ETV6: variants seen among roughly 807,000 people sequenced by gnomAD.
ETV6 encodes transcription factor ETV6.
Under a neutral mutation model 51.1 loss-of-function variants are expected in ETV6, and 16 were observed. The ratio of observed to expected loss-of-function variants is 0.31; its 90% CI spans 0.21 to 0.48. ETV6 has a LOEUF of 0.48. ETV6 is among the 20% of genes least tolerant of loss of function. ETV6 has a pLI of 0.99. For synonymous variants in ETV6, 240 were observed against 224.1 expected, an observed-to-expected ratio of 1.07 and a Z score of -0.64; for missense variants, 458 against 594.8, an observed-to-expected ratio of 0.77 and a Z score of 2.39.
intron 4 of ETV6, among the ~76,000 whole-genome samples, chr12:11,865,722 C>T (rs1029046553): frequency 1.3e-5 from 2 of 148,544 alleles, no homozygotes; most frequent in African/African-American, 4.9e-5. Context: ...TACTATATAT[C>T]ATACTATGCA....
intron 2 of ETV6, among the ~76,000 whole-genome samples, chr12:11,830,198 C>G (rs561928606): frequency 2.0e-5 from 3 of 152,190 alleles, no homozygotes; most frequent in East Asian, 1.9e-4. Flanking sequence ...CTGTGGGCAC[C>G]GAGCAGTATT....
intron 1 of ETV6, among the ~76,000 whole-genome samples, chr12:11,672,558 G>A (rs1038081017): frequency 6.6e-6 from 1 of 152,198 alleles, no homozygotes; most frequent in South Asian, 2.1e-4. Flanking sequence ...GTTGTCCTCC[G>A]TTAATGGGGT....
intron 3 of ETV6, among the ~76,000 whole-genome samples, chr12:11,851,694 T>G (rs867424628): frequency 1.3e-5 from 2 of 152,340 alleles, no homozygotes; most frequent in Middle Eastern, 3.4e-3. Flanking sequence ...GGTATTTTGC[T>G]TTATTTAGTC....
intron 5 of ETV6, among the ~76,000 whole-genome samples, chr12:11,882,307 G>T (rs989994766): frequency 2.0e-5 from 3 of 152,180 alleles, no homozygotes; most frequent in African/African-American, 7.2e-5. Flanking sequence ...CACTGAGCAG[G>T]TGTACTTTGT....
At chr12:11,708,040 G>C (rs998149342) in intron 1 of ETV6, among the ~76,000 whole-genome samples, 2 of 152,174 alleles carry the variant, frequency 1.3e-5, no homozygotes, top group African/African-American at 4.8e-5. Context: ...AAGTTATTCT[G>C]TTATAATTTT....
At chr12:11,727,173 T>G (rs1354320939) in intron 1 of ETV6, among the ~76,000 whole-genome samples, 1 of 152,238 alleles carries the variant, frequency 6.6e-6, no homozygotes, top group East Asian at 1.9e-4. Context: ...GGAGGTCGCC[T>G]GCCCTTGCAT....
At position 11,783,315 on chromosome 12, in the gene ETV6, A is replaced by G. The variant is rs1025874335; in HGVS notation, c.163+30736A>G. Among the ~76,000 whole-genome samples the G allele has an allele frequency of 2.6e-5, 4 of 152,196 alleles. No individual in the cohort carries two copies. In the South Asian group the frequency reaches 8.3e-4, roughly 32 times the overall value. ...GATCCTGCCCAATCAGATGCTGCAT[A>G]GAATTCAGGTAAGATGAGGACTGAA... is the stretch of plus-strand genomic sequence containing the variant. On this transcript the variant is annotated intron_variant, in intron 2 of 7. Transcript: ENST00000396373.
At chr12:11,773,377 G>A (rs1303090515) in intron 2 of ETV6, among the ~76,000 whole-genome samples, 5 of 151,986 alleles carry the variant, frequency 3.3e-5, no homozygotes, top group Non-Finnish European at 4.4e-5. Flanking sequence ...CAGTGAGACT[G>A]AATGGAAAAT....
At chr12:11,770,146 TC>T (rs1386784289) in intron 2 of ETV6, among the ~76,000 whole-genome samples, 1 of 152,068 alleles carries the variant, frequency 6.6e-6, no homozygotes, top group Non-Finnish European at 1.5e-5. Context: ...GTGCTGGTAA[TC>T]AGGAAAATGC....
intron 1 of ETV6, 35 bp from the exon 2 acceptor site, chr12:11,752,415 T>C (rs552473838): frequency 1.9e-6 from 3 of 1,588,620 alleles, no homozygotes; most frequent in Non-Finnish European, 8.6e-7. Flanking sequence ...ATTGTCTCTC[T>C]CCCCCTCCCC....
At chr12:11,781,588 C>T (rs758344297) in intron 2 of ETV6, among the ~76,000 whole-genome samples, 1 of 152,146 alleles carries the variant, frequency 6.6e-6, no homozygotes, top group Non-Finnish European at 1.5e-5. Flanking sequence ...AATGGATAGG[C>T]AGTTATTTTA....
At chr12:11,798,863 T>G (rs1020806527) in intron 2 of ETV6, among the ~76,000 whole-genome samples, 4 of 152,200 alleles carry the variant, frequency 2.6e-5, no homozygotes, top group African/African-American at 9.7e-5. Context: ...AGATAGGAGT[T>G]AATTCAGTCA....
intron 5 of ETV6, among the ~76,000 whole-genome samples, chr12:11,871,962 A>C (rs1425758437): frequency 6.6e-6 from 1 of 152,262 alleles, no homozygotes; most frequent in African/African-American, 2.4e-5. Flanking sequence ...GGATGAGGTC[A>C]GTGTATTGCT....
intron 2 of ETV6, among the ~76,000 whole-genome samples, chr12:11,777,262 A>G (rs1025310659): frequency 6.6e-6 from 1 of 150,480 alleles, no homozygotes; most frequent in Non-Finnish European, 1.5e-5. Context: ...AAAAAAAAAA[A>G]TCACGTTTTT....
At position 11,859,135 on chromosome 12, in the gene ETV6, T is replaced by C. The variant is rs1269760933; in HGVS notation, c.463+5574T>C. Among the ~76,000 whole-genome samples, 685 of 92,634 alleles carry C rather than the reference T, an allele frequency of 7.4e-3. 123 individuals carry two copies. Among genetic ancestry groups the C allele is most frequent in the African/African-American group, 0.031 (607 of 19,512 alleles). 60.8% of individuals were successfully genotyped at this position (92,634 alleles called of 152,430 possible). A position where few individuals can be genotyped will look rare whatever the true frequency, so the allele number is the denominator to read the frequency against. ...ATGAATCTGGTTTTTTTTTTTTTTT[T>C]TTTTTTTTTTTTTTTTTTTTTTTTG... On this transcript the variant is annotated intron_variant, in intron 4 of 7. Coordinates refer to ENST00000396373, the MANE Select transcript of ETV6 (RefSeq NM_001987.5).
At chr12:11,831,309 T>G (rs1946241989) in intron 2 of ETV6, among the ~76,000 whole-genome samples, 1 of 152,216 alleles carries the variant, frequency 6.6e-6, no homozygotes, top group African/African-American at 2.4e-5. Flanking sequence ...CACTGCAAAC[T>G]CCACCTCTTG....
chr12:11,791,678 T>C (rs892392258), intron 2 of ETV6, among the ~76,000 whole-genome samples: 4 of 152,250 alleles, frequency 2.6e-5, no homozygotes, highest in Non-Finnish European at 5.9e-5. Context: ...GTTTTTACAC[T>C]GACCCCTTTA....
At chr12:11,718,756 G>A (rs1865327096) in intron 1 of ETV6, among the ~76,000 whole-genome samples, 1 of 152,110 alleles carries the variant, frequency 6.6e-6, no homozygotes, top group Admixed American at 6.6e-5. Flanking sequence ...TCTCAGACAA[G>A]CACAGGACCT....
At chr12:11,668,046 C>T in intron 1 of ETV6, among the ~76,000 whole-genome samples, 1 of 151,894 alleles carries the variant, frequency 6.6e-6, no homozygotes, top group East Asian at 1.9e-4. Flanking sequence ...TGTTGCCTGG[C>T]TGGTCTTGAA....
Sources: allele counts gnomAD v4.1 joint callset (sites outside exome capture counted in the v4.1 genomes callset), GRCh38; gene constraint gnomAD v4.1.1; transcripts MANE v1.5; gene names NCBI Gene and HGNC (gene_info 2026-07-23, HGNC 2026-07-21).